The following LRRFIP2 variants were observed in gnomAD, a reference collection of about 807,000 sequenced individuals.
The protein encoded by LRRFIP2 is LRR binding FLII interacting protein 2.
In LRRFIP2, 109 loss-of-function variants were observed where a neutral mutation model predicts 125.9. The ratio of observed to expected loss-of-function variants is 0.87; its 90% CI spans 0.74 to 1.01. The LOEUF is 1.01. LRRFIP2 is among the 50% of genes least tolerant of loss of function. LRRFIP2 has a pLI of 0.00. For missense variants in LRRFIP2, 850 were observed against 862.3 expected, an observed-to-expected ratio of 0.99 and a Z score of 0.18; for synonymous variants, 291 against 293.1, an observed-to-expected ratio of 0.99 and a Z score of 0.07.
intron 25 of LRRFIP2, among the ~76,000 whole-genome samples, 165 bp from the exon 26 acceptor site, chr3:37,055,330 C>T (rs960599605): frequency 3.3e-5 from 5 of 151,946 alleles, no homozygotes; most frequent in Admixed American, 2.0e-4. Context: ...TTTGGGAGGC[C>T]GAGGTGGGTG....
chr3:37,098,675 G>A (rs937770266), intron 15 of LRRFIP2, among the ~76,000 whole-genome samples: 5 of 152,126 alleles, frequency 3.3e-5, no homozygotes, highest in African/African-American at 9.7e-5. Context: ...TTACAGGCAT[G>A]AGCCACCATG....
intron 1 of LRRFIP2, among the ~76,000 whole-genome samples, chr3:37,155,478 C>G (rs2096159964): frequency 6.6e-6 from 1 of 152,102 alleles, no homozygotes; most frequent in Non-Finnish European, 1.5e-5. Context: ...CTGTCTAGCA[C>G]ATGTATACAA....
At chr3:37,176,140 G>C (rs926662101), upstream of LRRFIP2, 1 of 152,380 alleles carries the variant, frequency 6.6e-6, no homozygotes, top group Non-Finnish European at 1.5e-5. Flanking sequence ...GCCCGCTGGG[G>C]CTATGGGCGA....
chr3:37,060,225 T>TC lies in LRRFIP2; in HGVS notation c.1750-1316dup, dbSNP rs2088172800. 6.6e-6 allele frequency among the ~76,000 whole-genome samples: 1 copy of TC among 152,160 alleles called. No individual in the cohort carries two copies. Among genetic ancestry groups the TC allele is most frequent in the South Asian group, 2.1e-4 (1 of 4,826 alleles). On this transcript the variant is annotated intron_variant, in intron 24 of 27. Transcript: ENST00000336686. The surrounding 1 kb of genome is among the most constrained non-coding windows in gnomAD (Gnocchi z 4.1). ...CTCTGTCCTCAGTCTTTTCTGAGCATCCCCCCTTTACCCTCGTGCTCTGAT... is the reference window on the plus strand; with the variant it reads ...CTCTGTCCTCAGTCTTTTCTGAGCATCCCCCCCTTTACCCTCGTGCTCTGAT...
intron 24 of LRRFIP2, among the ~76,000 whole-genome samples, chr3:37,059,472 T>TA (rs2148667817): frequency 6.6e-6 from 1 of 152,184 alleles, no homozygotes; most frequent in East Asian, 1.9e-4. Flanking sequence ...TAAATTTTCT[T>TA]ACTTAGAAAA....
At chr3:37,102,870 T>C (rs960179943) in intron 15 of LRRFIP2, 54 bp downstream of exon 15, 3 of 1,109,034 alleles carry the variant, frequency 2.7e-6, no homozygotes, top group African/African-American at 1.6e-5. Context: ...ACATATTAGC[T>C]GTTAGTCACA....
chr3:37,055,353 A>G (rs1224934129), intron 25 of LRRFIP2, among the ~76,000 whole-genome samples, 188 bp from the exon 26 acceptor site: 1 of 152,098 alleles, frequency 6.6e-6, no homozygotes, highest in East Asian at 1.9e-4. Context: ...TCATGAGGTC[A>G]AGAGATAGAG....
intron 1 of LRRFIP2, 35 bp from the exon 2 acceptor site, chr3:37,149,073 T>C: frequency 1.3e-6 from 2 of 1,526,770 alleles, no homozygotes; most frequent in South Asian, 1.3e-5. Flanking sequence ...CTTAAGGTAT[T>C]TCTTTGTGCA....
intron 2 of LRRFIP2, among the ~76,000 whole-genome samples, chr3:37,131,035 C>T (rs955956002): frequency 2.0e-5 from 3 of 152,172 alleles, no homozygotes; most frequent in South Asian, 4.1e-4. Context: ...AAAGGCATTA[C>T]ATTTGTAGGT....
intron 1 of LRRFIP2, among the ~76,000 whole-genome samples, chr3:37,166,410 C>CAAA (rs1395351473): frequency 6.6e-6 from 1 of 151,790 alleles, no homozygotes; most frequent in Non-Finnish European, 1.5e-5. Flanking sequence ...AGTAAAAAGG[C>CAAA]AAACCACGGA....
chr3:37,063,870 A>G, intron 23 of LRRFIP2, 79 bp from the exon 24 acceptor site: 5 of 953,730 alleles, frequency 5.2e-6, no homozygotes, highest in South Asian at 1.3e-5. Flanking sequence ...TCAAACTCAT[A>G]AACAGCTAAT....
intron 3 of LRRFIP2, among the ~76,000 whole-genome samples, chr3:37,128,357 G>A (rs1174820269): frequency 2.0e-5 from 3 of 152,126 alleles, no homozygotes; most frequent in South Asian, 2.1e-4. Flanking sequence ...CCAAGTCAAT[G>A]TCAGAAAAGT....
intron 4 of LRRFIP2, 105 bp downstream of exon 4, chr3:37,127,525 A>G: frequency 8.9e-7 from 1 of 1,128,548 alleles, no homozygotes; most frequent in Non-Finnish European, 1.3e-6. Flanking sequence ...AGGTTCACAC[A>G]GGCCAAACAC....
At chr3:37,086,378 C>T (rs1010742635) in intron 18 of LRRFIP2, among the ~76,000 whole-genome samples, 6 of 152,104 alleles carry the variant, frequency 3.9e-5, no homozygotes, top group Admixed American at 3.3e-4. Context: ...TAGCAATCTA[C>T]CAAAGAGAAT....
At chr3:37,107,381 C>T (rs2094380705) in intron 13 of LRRFIP2, among the ~76,000 whole-genome samples, 1 of 151,962 alleles carries the variant, frequency 6.6e-6, no homozygotes, top group Non-Finnish European at 1.5e-5. Context: ...GGTGCTGATA[C>T]AGAAAGCTAC....
chr3:37,138,236 G>A (rs963969237), intron 2 of LRRFIP2, among the ~76,000 whole-genome samples: 1 of 152,170 alleles, frequency 6.6e-6, no homozygotes, highest in Non-Finnish European at 1.5e-5. Context: ...TTTTGTTACT[G>A]CTTCAGTTAA....
chr3:37,109,438 A>G, intron 11 of LRRFIP2, 89 bp downstream of exon 11: 1 of 1,408,292 alleles, frequency 7.1e-7, no homozygotes, highest in South Asian at 1.1e-5. Flanking sequence ...GTCCTTAACT[A>G]TTTTGGAGAA....
At chr3:37,130,153 C>T (rs1216308281) in intron 2 of LRRFIP2, among the ~76,000 whole-genome samples, 1 of 152,166 alleles carries the variant, frequency 6.6e-6, no homozygotes, top group East Asian at 1.9e-4. Flanking sequence ...CTCCTGGCAA[C>T]CACTAATCTA....
chr3:37,055,672 T>A (rs2086632425), intron 25 of LRRFIP2, among the ~76,000 whole-genome samples: 1 of 152,202 alleles, frequency 6.6e-6, no homozygotes, highest in African/African-American at 2.4e-5. Context: ...AGCATATATG[T>A]TACTACAGTA....
Sources: allele counts gnomAD v4.1 joint callset (sites outside exome capture counted in the v4.1 genomes callset), GRCh38; gene constraint gnomAD v4.1.1; non-coding constraint Gnocchi (gnomAD v3.1); transcripts MANE v1.5; gene names NCBI Gene and HGNC (gene_info 2026-07-23, HGNC 2026-07-21).